The following COL4A3 variants were observed in gnomAD, a reference collection of about 807,000 sequenced individuals.
COL4A3 encodes collagen alpha-3(IV) chain.
In COL4A3, 135 loss-of-function variants were observed where a neutral mutation model predicts 217.4. The ratio of observed to expected loss-of-function variants is 0.62; its 90% CI spans 0.54 to 0.72. COL4A3 has a LOEUF of 0.72. Ranked by LOEUF, COL4A3 falls within the 30% of genes least tolerant of loss-of-function variation. The pLI, the probability that COL4A3 is intolerant of heterozygous loss-of-function variation, is 0.00. For synonymous variants in COL4A3, 690 were observed against 736.3 expected (o/e 0.94, Z 1.02); for missense variants, 1,868 against 2,119.9 (o/e 0.88, Z 2.33).
chr2:227,293,870 A>G, intron 38 of COL4A3: 1 of 448,964 alleles, frequency 2.2e-6, no homozygotes, highest in Non-Finnish European at 4.6e-6. Context: ...CTTTTCTTAT[A>G]AAGACACCAC....
At chr2:227,193,605 GGGAGGTTGAGGCA>G (rs1465998551) in intron 1 of COL4A3, among the ~76,000 whole-genome samples, 1 of 152,022 alleles carries the variant, frequency 6.6e-6, no homozygotes, top group Non-Finnish European at 1.5e-5. Flanking sequence ...CCAGCTACTT[GGGAGGTTGAGGCA>G]GGAGAATCTC....
intron 1 of COL4A3, among the ~76,000 whole-genome samples, chr2:227,226,508 T>C (rs2068102850): frequency 6.6e-6 from 1 of 151,896 alleles, no homozygotes; most frequent in African/African-American, 2.4e-5. Flanking sequence ...CTTGCTCTGT[T>C]GCCCAGGCTG....
chr2:227,275,688 A>AT (rs2071513563), intron 26 of COL4A3, among the ~76,000 whole-genome samples: 1 of 152,166 alleles, frequency 6.6e-6, no homozygotes, highest in South Asian at 2.1e-4. Context: ...CTAGGTAGGC[A>AT]TTCTTTCCCC....
rs193088914 is a variant in COL4A3, at chr2:227,206,370, G to A, written c.88-31598G>A. 8.1e-4 allele frequency among the ~76,000 whole-genome samples: 124 copies of A among 152,196 alleles called. 1 individual carries two copies. The highest frequency in any genetic ancestry group is 3.4e-3 in the Middle Eastern group (1 of 294). On this transcript the variant is annotated intron_variant, in intron 1 of 51. Coordinates refer to ENST00000396578, the MANE Select transcript of COL4A3 (RefSeq NM_000091.5). ...TTACAGGCCTGAGCCACTGTGCCCC[G>A]CCCCCTCAGGTGATTCTAATGTGCA...
rs146445633 is a variant in COL4A3, at chr2:227,171,967, C to T, written c.87+7154C>T. Among the ~76,000 whole-genome samples the T allele has an allele frequency of 2.6e-3, 395 of 152,254 alleles. 1 individual carries two copies. Among genetic ancestry groups the T allele is most frequent in the African/African-American group, 9.0e-3 (375 of 41,542 alleles). ...GATTCTTCCCTTGGGGTGGGCTGTC[C>T]GCATGCGCAGTGGCCTGCCGGCGCT... On this transcript the variant is annotated intron_variant, in intron 1 of 51. Transcript: ENST00000396578.
intron 1 of COL4A3, among the ~76,000 whole-genome samples, chr2:227,182,168 C>T (rs2125675238): frequency 6.6e-6 from 1 of 152,238 alleles, no homozygotes; most frequent in East Asian, 1.9e-4. Flanking sequence ...AATATCTTGG[C>T]CACAAATAAA....
At position 227,208,314 on chromosome 2, in the gene COL4A3, G is replaced by A. The variant is rs560357787; in HGVS notation, c.88-29654G>A. The stretch of plus-strand genomic sequence containing the variant: ...AGAAATTACAGTTTCAGGGTCATGC[G>A]GCTTCTGGCTTCAAGAGTCCGAACC... On this transcript the variant is annotated intron_variant, in intron 1 of 51. Coordinates refer to ENST00000396578, the MANE Select transcript of COL4A3 (RefSeq NM_000091.5). Among the ~76,000 whole-genome samples, 14 of 152,236 alleles carry A rather than the reference G, an allele frequency of 9.2e-5. No individual in the cohort carries two copies. In the South Asian group the frequency reaches 2.5e-3, roughly 27 times the overall value.
chr2:227,271,031 A>G (rs949811908), intron 25 of COL4A3, 79 bp downstream of exon 25: 13 of 1,444,898 alleles, frequency 9.0e-6, no homozygotes, highest in Non-Finnish European at 1.3e-5. Context: ...TTTTCCAAAA[A>G]TGGTTGGCCG....
chr2:227,308,811 G>A, intron 48 of COL4A3, 88 bp from the exon 49 acceptor site: 1 of 1,368,168 alleles, frequency 7.3e-7, no homozygotes, highest in African/African-American at 1.4e-5. Context: ...TTTGCTGCAG[G>A]TTACATTTAA....
At chr2:227,290,535 C>T (rs2072629008) in intron 36 of COL4A3, among the ~76,000 whole-genome samples, 1 of 151,892 alleles carries the variant, frequency 6.6e-6, no homozygotes, top group East Asian at 1.9e-4. Flanking sequence ...AACAGATTTC[C>T]TATTAGACAA....
At chr2:227,288,922 A>G (rs1181170503) in intron 34 of COL4A3, among the ~76,000 whole-genome samples, 1 of 150,706 alleles carries the variant, frequency 6.6e-6, no homozygotes, top group Non-Finnish European at 1.5e-5. Flanking sequence ...TTTTAACATG[A>G]ATTTTTGATG....
chr2:227,199,163 A>C (rs2125728467), intron 1 of COL4A3, among the ~76,000 whole-genome samples: 1 of 152,346 alleles, frequency 6.6e-6, no homozygotes, highest in Admixed American at 6.5e-5. Flanking sequence ...AAGGTTGGTA[A>C]GCATGGCAAG....
At chr2:227,242,780 A>C (rs2069103970) in intron 3 of COL4A3, among the ~76,000 whole-genome samples, 3 of 152,246 alleles carry the variant, frequency 2.0e-5, no homozygotes, top group Admixed American at 2.0e-4. Context: ...CTTATGTCAC[A>C]TATATGATGC....
intron 24 of COL4A3, among the ~76,000 whole-genome samples, chr2:227,270,210 C>T (rs1034021409): frequency 6.6e-6 from 1 of 152,060 alleles, no homozygotes; most frequent in African/African-American, 2.4e-5. Flanking sequence ...TTGCCTAGGG[C>T]TGAGAGTGGG....
At chr2:227,276,767 TG>T (rs1291068076) in intron 27 of COL4A3, among the ~76,000 whole-genome samples, 2 of 152,138 alleles carry the variant, frequency 1.3e-5, no homozygotes, top group East Asian at 3.8e-4. Context: ...GGAGTTTTGG[TG>T]GGGGAGCAAG....
At chr2:227,254,563 G>A (rs909402716) in intron 14 of COL4A3, 93 bp from the exon 15 acceptor site, 3 of 982,850 alleles carry the variant, frequency 3.1e-6, no homozygotes, top group Middle Eastern at 2.1e-4. Context: ...GTTTTTAAAT[G>A]GCAGAATAAC....
Position 227,254,735 on chromosome 2 carries a change from G to A in COL4A3, c.888+20G>A, listed in dbSNP as rs747824296. The A allele has an allele frequency of 2.2e-5, 35 of 1,590,756 alleles. No homozygotes were observed. The highest frequency in any genetic ancestry group is 3.0e-5 in the Non-Finnish European group (35 of 1,158,750). On this transcript the variant is annotated intron_variant, in intron 15 of 51. Coordinates refer to ENST00000396578, the MANE Select transcript of COL4A3 (RefSeq NM_000091.5). ...CTGCAGGTAAATTTGGAAATTCGGT[G>A]TCATGTGCAGTTTTGATTAGTCAGG...
chr2:227,202,702 T>A (rs1322491355), intron 1 of COL4A3, among the ~76,000 whole-genome samples: 2 of 142,914 alleles, frequency 1.4e-5, no homozygotes, highest in East Asian at 4.0e-4. Context: ...GCCACTGCAG[T>A]CCGGCCTGGG....
intron 1 of COL4A3, among the ~76,000 whole-genome samples, chr2:227,224,871 T>A (rs1233524913): frequency 6.6e-6 from 1 of 152,212 alleles, no homozygotes; most frequent in East Asian, 1.9e-4. Flanking sequence ...TGAATTTTCT[T>A]TTTTGTTATT....
Sources: gnomAD v4.1 joint callset for allele counts (sites outside exome capture counted in the v4.1 genomes callset) on GRCh38, gnomAD v4.1.1 for gene constraint, MANE v1.5 for transcripts, NCBI Gene and HGNC (gene_info 2026-07-23, HGNC 2026-07-21) for gene names.